The following RASSF8 variants were observed in gnomAD, a reference collection of about 807,000 sequenced individuals.
The protein encoded by RASSF8 is ras association domain-containing protein 8.
A neutral mutation model predicts 48.5 loss-of-function variants in RASSF8; 22 were observed. That is an observed-to-expected ratio of 0.45 (90% confidence interval 0.32 to 0.65). The LOEUF is 0.65. Among genes scored for constraint, RASSF8 ranks in the 30% least tolerant of loss-of-function variants. The pLI, the probability that RASSF8 is intolerant of heterozygous loss-of-function variation, is 0.03. For synonymous variants in RASSF8, 127 were observed against 171.5 expected (o/e 0.74, Z 2.03); for missense variants, 418 against 489.2 (o/e 0.85, Z 1.37).
At chr12:25,971,211 T>C (rs1244529055) in intron 1 of RASSF8, among the ~76,000 whole-genome samples, 2 of 151,946 alleles carry the variant, frequency 1.3e-5, no homozygotes, top group Non-Finnish European at 2.9e-5. Flanking sequence ...TGTTCTAGGG[T>C]TATCTTTTTC....
chr12:26,070,133 C>A lies in RASSF8; in HGVS notation c.*1315C>A. The A allele has an allele frequency of 2.1e-6, 2 of 969,690 alleles. No individual in the cohort carries two copies. Among genetic ancestry groups the A allele is most frequent in the Non-Finnish European group, 2.5e-6 (2 of 815,664 alleles). The allele number at this position is 969,690 out of a possible 1,614,324, so 60.1% of individuals were successfully genotyped here. ...TAGATTTGGTACAGTATAATTAAGA[C>A]TTTAATCTGAAATTTAAAGTAGTTT... On this transcript the variant is annotated 3_prime_UTR_variant, in exon 6 of 6. Coordinates refer to ENST00000689635, the MANE Select transcript of RASSF8 (RefSeq NM_001394098.1).
chr12:25,970,548 C>T (rs1003523786), intron 1 of RASSF8, among the ~76,000 whole-genome samples: 1 of 152,130 alleles, frequency 6.6e-6, no homozygotes, highest in East Asian at 1.9e-4. Flanking sequence ...AACTGGTCTC[C>T]CCGCCTGAAA....
chr12:25,999,206 GGGCTCAATAATTTCAA>G (rs1942199912), intron 2 of RASSF8, among the ~76,000 whole-genome samples: 2 of 152,156 alleles, frequency 1.3e-5, no homozygotes, highest in African/African-American at 4.8e-5. Context: ...AACCTTTAGA[GGGCTCAATAATTTCAA>G]ACCCAAATTA....
chr12:26,059,165 C>A (rs888332036), intron 3 of RASSF8, among the ~76,000 whole-genome samples: 9 of 152,068 alleles, frequency 5.9e-5, no homozygotes, highest in Non-Finnish European at 1.2e-4. Flanking sequence ...AAAAATATGA[C>A]AAGGATGTAT....
intron 1 of RASSF8, among the ~76,000 whole-genome samples, chr12:25,976,084 C>G (rs376370224): frequency 2.6e-5 from 4 of 152,240 alleles, no homozygotes; most frequent in African/African-American, 9.6e-5. Context: ...CTCTCCTCAC[C>G]CAGGCTGCCA....
intron 1 of RASSF8, among the ~76,000 whole-genome samples, chr12:25,964,725 G>T (rs758475872): frequency 2.6e-5 from 4 of 152,182 alleles, no homozygotes; most frequent in Non-Finnish European, 5.9e-5. Context: ...TAAAATATTT[G>T]AGTGGATTTA....
intron 4 of RASSF8, among the ~76,000 whole-genome samples, chr12:26,065,730 G>T (rs1377892022): frequency 6.6e-6 from 1 of 152,196 alleles, no homozygotes; most frequent in African/African-American, 2.4e-5. Context: ...GCCAGGGATT[G>T]TTGTGGCTAG....
At chr12:25,973,512 T>A (rs1317716283) in intron 1 of RASSF8, among the ~76,000 whole-genome samples, 1 of 152,168 alleles carries the variant, frequency 6.6e-6, no homozygotes, top group Non-Finnish European at 1.5e-5. Context: ...CCATGAGGCT[T>A]AACTTGAGAT....
In RASSF8 at chr12:26,036,155, G is replaced by C. The variant is rs141555571; in HGVS notation, c.-108-19081G>C. On this transcript the variant is annotated intron_variant, in intron 2 of 5. Coordinates refer to ENST00000689635, the MANE Select transcript of RASSF8 (RefSeq NM_001394098.1). ...ATCTCTTTAATATTAATCTACATCT[G>C]GGCCTCTCTTGCTTAAATCCATGTT... 4.1e-3 allele frequency among the ~76,000 whole-genome samples: 628 copies of C among 151,552 alleles called. 5 individuals are homozygous for C. The highest frequency in any genetic ancestry group is 0.024 in the Middle Eastern group (7 of 292).
At chr12:26,077,687 C>T (rs889458237), downstream of RASSF8, among the ~76,000 whole-genome samples, 2 of 152,116 alleles carry the variant, frequency 1.3e-5, no homozygotes, top group Non-Finnish European at 2.9e-5. Flanking sequence ...AGTTTGAAAA[C>T]TCTCTTTAAA....
At chr12:26,077,914 C>G (rs2137550) in intron 5 of RASSF8, among the ~76,000 whole-genome samples, 1 of 152,086 alleles carries the variant, frequency 6.6e-6, no homozygotes, top group Non-Finnish European at 1.5e-5. Context: ...ATACTTATCT[C>G]TAAAACCTCT....
chr12:25,971,800 A>G (rs1192941996), intron 1 of RASSF8, among the ~76,000 whole-genome samples: 1 of 152,244 alleles, frequency 6.6e-6, no homozygotes, highest in Non-Finnish European at 1.5e-5. Context: ...AACAAACATG[A>G]AAGTAACCAC....
chr12:25,966,983 A>G (rs551434824), intron 1 of RASSF8, among the ~76,000 whole-genome samples: 2 of 152,358 alleles, frequency 1.3e-5, no homozygotes, highest in African/African-American at 2.4e-5. Flanking sequence ...TTTTCTGCAT[A>G]TGGAAATTCA....
intron 2 of RASSF8, among the ~76,000 whole-genome samples, chr12:26,055,034 G>A (rs1161834257): frequency 6.6e-6 from 1 of 152,134 alleles, no homozygotes; most frequent in East Asian, 1.9e-4. Context: ...TTAAAATTAT[G>A]ATAAAAATAG....
intron 1 of RASSF8, among the ~76,000 whole-genome samples, chr12:25,964,834 C>T (rs988174358): frequency 2.6e-5 from 4 of 152,104 alleles, no homozygotes; most frequent in African/African-American, 7.2e-5. Context: ...AGTTCTAATA[C>T]GTTAAATGTC....
chr12:26,056,854 ATTCT>A (rs1402885841), intron 3 of RASSF8, among the ~76,000 whole-genome samples: 1 of 152,202 alleles, frequency 6.6e-6, no homozygotes, highest in Admixed American at 6.5e-5. Flanking sequence ...ATTTTTTCAT[ATTCT>A]TTCTATGAGC....
intron 2 of RASSF8, among the ~76,000 whole-genome samples, chr12:26,049,886 C>G (rs1182745800): frequency 6.6e-6 from 1 of 152,220 alleles, no homozygotes; most frequent in African/African-American, 2.4e-5. Flanking sequence ...CAGGTTCACA[C>G]CATTCTCCTG....
intron 2 of RASSF8, among the ~76,000 whole-genome samples, chr12:26,044,518 A>G (rs539503798): frequency 4.0e-4 from 61 of 152,234 alleles, no homozygotes; most frequent in Middle Eastern, 3.4e-3. Context: ...TATATTATCA[A>G]TGTACTGTAG....
chr12:26,008,257 C>T (rs944460102), intron 2 of RASSF8, among the ~76,000 whole-genome samples: 1 of 150,858 alleles, frequency 6.6e-6, no homozygotes, highest in African/African-American at 2.4e-5. Context: ...GGCAACACAG[C>T]GAGACTCCGT....
Sources: allele counts gnomAD v4.1 joint callset (sites outside exome capture counted in the v4.1 genomes callset), GRCh38; gene constraint gnomAD v4.1.1; transcripts MANE v1.5; gene names NCBI Gene and HGNC (gene_info 2026-07-23, HGNC 2026-07-21).